Variants in BRINP3 observed in about 807,000 individuals in gnomAD.
BRINP3 encodes BMP/retinoic acid inducible neural specific 3.
BRINP3 carries 19 observed loss-of-function variants against 71.0 expected under a neutral mutation model. That is an observed-to-expected ratio of 0.27 (90% confidence interval 0.19 to 0.39). The LOEUF is 0.39. Ranked by LOEUF, BRINP3 falls within the 10% of genes least tolerant of loss-of-function variation. BRINP3 has a pLI of 1.00. For synonymous variants in BRINP3, 380 were observed against 337.7 expected (o/e 1.13, Z -1.37); for missense variants, 959 against 940.8 (o/e 1.02, Z -0.25).
At chr1:190,259,201 A>T (rs1406645914) in intron 4 of BRINP3, among the ~76,000 whole-genome samples, 1 of 151,460 alleles carries the variant, frequency 6.6e-6, no homozygotes, top group African/African-American at 2.4e-5. Flanking sequence ...AGGAAAATAT[A>T]GTCCAATATC....
intron 2 of BRINP3, among the ~76,000 whole-genome samples, chr1:190,377,963 A>T (rs891238584): frequency 6.6e-6 from 1 of 152,138 alleles, no homozygotes; most frequent in Non-Finnish European, 1.5e-5. Flanking sequence ...TAAACAATAT[A>T]TTGATTCAAT....
Position 190,097,696 on chromosome 1 carries a change from G to T in BRINP3, c.*322C>A. ...ACTGTTCAGCTACAAAATTTTATTGGTATCTTTTTATGTTCCCTCTAGAGG... is the reference window on the plus strand; with the variant it reads ...ACTGTTCAGCTACAAAATTTTATTGTTATCTTTTTATGTTCCCTCTAGAGG... On this transcript the variant is annotated 3_prime_UTR_variant, in exon 8 of 8. Coordinates refer to ENST00000367462, the MANE Select transcript of BRINP3 (RefSeq NM_199051.3). 1 of 199,066 alleles carries T rather than the reference G, an allele frequency of 5.0e-6. No individual in the cohort carries two copies. Among genetic ancestry groups the T allele is most frequent in the Non-Finnish European group, 1.0e-5 (1 of 99,102 alleles). 12.3% of individuals were successfully genotyped at this position (199,066 alleles called of 1,614,324 possible).
intron 7 of BRINP3, among the ~76,000 whole-genome samples, chr1:190,114,237 G>T (rs974932476): frequency 6.6e-6 from 1 of 152,096 alleles, no homozygotes; most frequent in Non-Finnish European, 1.5e-5. Flanking sequence ...CTTCTGCCAC[G>T]ATTGTGAGCT....
chr1:190,312,896 T>C (rs1665631949), intron 2 of BRINP3, among the ~76,000 whole-genome samples: 1 of 151,884 alleles, frequency 6.6e-6, no homozygotes, highest in South Asian at 2.1e-4. Flanking sequence ...TCTGGGAATA[T>C]GTGGCTTATT....
intron 3 of BRINP3, among the ~76,000 whole-genome samples, chr1:190,271,943 T>C (rs769522157): frequency 1.3e-5 from 2 of 151,482 alleles, no homozygotes; most frequent in Non-Finnish European, 3.0e-5. Context: ...TAACAAGAAG[T>C]AGGGATCACC....
At chr1:190,290,471 G>A (rs370662400) in intron 2 of BRINP3, among the ~76,000 whole-genome samples, 9 of 152,156 alleles carry the variant, frequency 5.9e-5, no homozygotes, top group South Asian at 2.1e-4. Context: ...TTTTATGGGC[G>A]AAATAAATAT....
chr1:190,407,996 T>C (rs1415913180), intron 2 of BRINP3, among the ~76,000 whole-genome samples: 2 of 150,866 alleles, frequency 1.3e-5, no homozygotes, highest in Non-Finnish European at 3.0e-5. Context: ...CTACATTTGA[T>C]GTACTTTCTT....
chr1:190,139,473 A>C (rs565063291), intron 7 of BRINP3, among the ~76,000 whole-genome samples: 4 of 151,456 alleles, frequency 2.6e-5, no homozygotes, highest in Admixed American at 6.6e-5. Flanking sequence ...AAAAAAAAGA[A>C]AGAAAGAAAA....
chr1:190,377,602 T>C (rs978349357), intron 2 of BRINP3, among the ~76,000 whole-genome samples: 9 of 148,568 alleles, frequency 6.1e-5, no homozygotes, highest in Non-Finnish European at 3.0e-5. Context: ...ACATATATAA[T>C]ATATATAAAA....
In BRINP3 at chr1:190,256,169, A is replaced by G. The variant is rs148704415; in HGVS notation, c.618+8696T>C. The stretch of plus-strand genomic sequence containing the variant: ...GATTTCTGTTCTTTTCCATTTGCTG[A>G]GGAGTTCTTTACTTCCAACTCTGTG... On this transcript the variant is annotated intron_variant, in intron 4 of 7. Transcript: ENST00000367462. 1.7e-3 allele frequency among the ~76,000 whole-genome samples: 258 copies of G among 152,216 alleles called. 1 individual carries two copies. Among genetic ancestry groups the G allele is most frequent in the African/African-American group, 6.0e-3 (249 of 41,536 alleles).
At chr1:190,473,869 C>CT (rs1341750948) in intron 1 of BRINP3, among the ~76,000 whole-genome samples, 1 of 149,038 alleles carries the variant, frequency 6.7e-6, no homozygotes, top group Non-Finnish European at 1.5e-5. Flanking sequence ...AAGCTTTCTT[C>CT]TTTTTTCCTT....
At chr1:190,362,712 A>G (rs1470562012) in intron 2 of BRINP3, among the ~76,000 whole-genome samples, 2 of 152,152 alleles carry the variant, frequency 1.3e-5, no homozygotes, top group African/African-American at 4.8e-5. Context: ...GTCTCACAAA[A>G]TCTGATGATT....
intron 6 of BRINP3, among the ~76,000 whole-genome samples, chr1:190,192,262 T>A (rs1201601540): frequency 6.6e-6 from 1 of 152,176 alleles, no homozygotes; most frequent in East Asian, 1.9e-4. Context: ...GTAAAAATAA[T>A]CTTTAAAGTC....
intron 1 of BRINP3, among the ~76,000 whole-genome samples, chr1:190,469,623 CA>C (rs1200269120): frequency 6.6e-6 from 1 of 150,852 alleles, no homozygotes; most frequent in Non-Finnish European, 1.5e-5. Flanking sequence ...GCTGACGTTT[CA>C]AACCATCAGA....
chr1:190,389,506 G>A (rs1671116657), intron 2 of BRINP3, among the ~76,000 whole-genome samples: 2 of 151,694 alleles, frequency 1.3e-5, no homozygotes, highest in Admixed American at 1.3e-4. Context: ...TTAACTTGTG[G>A]TAAATAATAT....
chr1:190,438,284 A>G (rs530327926), intron 2 of BRINP3, among the ~76,000 whole-genome samples: 36 of 151,632 alleles, frequency 2.4e-4, no homozygotes, highest in African/African-American at 8.7e-4. Context: ...AAACTATAAA[A>G]ATAACTAAAA....
intron 6 of BRINP3, among the ~76,000 whole-genome samples, chr1:190,192,326 C>T (rs937063077): frequency 3.3e-5 from 5 of 152,044 alleles, no homozygotes; most frequent in African/African-American, 4.8e-5. Flanking sequence ...CAATCTTGTA[C>T]TCTTTAAAAC....
intron 7 of BRINP3, among the ~76,000 whole-genome samples, chr1:190,142,178 T>C (rs1462536117): frequency 6.6e-6 from 1 of 152,182 alleles, no homozygotes; most frequent in Non-Finnish European, 1.5e-5. Flanking sequence ...TGGCCACATT[T>C]ACAAGTCAGA....
At chr1:190,217,410 TA>T (rs1656506721) in intron 6 of BRINP3, among the ~76,000 whole-genome samples, 1 of 151,994 alleles carries the variant, frequency 6.6e-6, no homozygotes, top group Non-Finnish European at 1.5e-5. Flanking sequence ...TGCTCTTTCA[TA>T]TATCTTACTA....
Sources: allele counts gnomAD v4.1 joint callset (sites outside exome capture counted in the v4.1 genomes callset), GRCh38; gene constraint gnomAD v4.1.1; transcripts MANE v1.5; gene names NCBI Gene and HGNC (gene_info 2026-07-23, HGNC 2026-07-21).